Variants in USP32 observed in about 807,000 individuals in gnomAD.
The protein encoded by USP32 is ubiquitin specific peptidase 32.
In USP32, 59 loss-of-function variants were observed where a neutral mutation model predicts 204.8. The observed-to-expected ratio is 0.29, with a 90% CI of 0.23 to 0.36. USP32 has a LOEUF of 0.36. USP32 is among the 10% of genes least tolerant of loss of function. USP32 has a pLI of 1.00. For synonymous variants in USP32, 517 were observed against 678.4 expected (o/e 0.76, Z 3.70); for missense variants, 1,160 against 1,946.4 (o/e 0.60, Z 7.60).
intron 2 of USP32, among the ~76,000 whole-genome samples, chr17:60,309,900 C>T (rs1029363410): frequency 3.9e-5 from 6 of 151,964 alleles, no homozygotes; most frequent in Admixed American, 6.6e-5. Context: ...AAAAATTAGC[C>T]GGGCATGGTG....
At chr17:60,301,057 T>C (rs1255064615) in intron 3 of USP32, among the ~76,000 whole-genome samples, 2 of 152,240 alleles carry the variant, frequency 1.3e-5, no homozygotes, top group Non-Finnish European at 2.9e-5. Flanking sequence ...ATTTCCAGCA[T>C]GTGGATATAT....
chr17:60,401,285 G>C (rs1420300450), intron 1 of USP32, among the ~76,000 whole-genome samples: 1 of 152,040 alleles, frequency 6.6e-6, no homozygotes, highest in Non-Finnish European at 1.5e-5. Flanking sequence ...CAGGAGAATA[G>C]CGTGAACCAG....
intron 2 of USP32, among the ~76,000 whole-genome samples, chr17:60,317,975 A>C (rs1032580977): frequency 2.0e-5 from 3 of 152,186 alleles, no homozygotes; most frequent in Non-Finnish European, 4.4e-5. Context: ...ACAGAGCCAG[A>C]CTCCGTCTCA....
chr17:60,255,400 C>T (rs772351398), intron 9 of USP32, 142 bp from the exon 10 acceptor site: 29 of 555,908 alleles, frequency 5.2e-5, no homozygotes, highest in East Asian at 1.9e-4. Context: ...TGGGTGCAAG[C>T]GATTCTCCTG....
upstream of USP32, among the ~76,000 whole-genome samples, chr17:60,395,041 G>C (rs377651556): frequency 1.1e-4 from 17 of 152,220 alleles, no homozygotes; most frequent in African/African-American, 3.9e-4. Context: ...ACCACGCCTG[G>C]GCTACAGTAG....
intron 1 of USP32, among the ~76,000 whole-genome samples, chr17:60,349,603 A>ATATATATATATATATATAT (rs2088883591): frequency 3.1e-5 from 2 of 64,100 alleles, no homozygotes; most frequent in East Asian, 3.7e-4. Flanking sequence ...AAAAATATAT[A>ATATATATATATATATATAT]TATATATATA....
At chr17:60,238,153 G>C (rs1242722049) in intron 11 of USP32, among the ~76,000 whole-genome samples, 1 of 152,082 alleles carries the variant, frequency 6.6e-6, no homozygotes, top group African/African-American at 2.4e-5. Context: ...GACTAATTAC[G>C]TTGAGCATCT....
chr17:60,413,212 T>C lies in USP32; in HGVS notation c.106+9034A>G, dbSNP rs567699192. The stretch of plus-strand genomic sequence containing the variant: ...ATGTGCAGAGATGTGTTCTGTATCC[T>C]GCCAGTGGGGGAGGGAAAGACCTTA... On this transcript the variant is annotated intron_variant, in intron 1 of 3. Transcript: ENST00000588898. Among the ~76,000 whole-genome samples the C allele has an allele frequency of 4.6e-5, 7 of 152,340 alleles. No individual in the cohort carries two copies. In the East Asian group the frequency reaches 1.2e-3, roughly 25 times the overall value.
chr17:60,179,981 A>C (rs2084061505), intron 33 of USP32, among the ~76,000 whole-genome samples: 1 of 150,758 alleles, frequency 6.6e-6, no homozygotes, highest in African/African-American at 2.4e-5. Flanking sequence ...AACCCCATCA[A>C]ATTCTAACAG....
At chr17:60,219,561 CTTTT>C (rs751193414) in intron 16 of USP32, 105 bp downstream of exon 16, 2,907 of 684,926 alleles carry the variant, frequency 4.2e-3, no homozygotes, top group African/African-American at 7.5e-3. Context: ...TAGTTTTCAC[CTTTT>C]TTTTTTTTTT....
At chr17:60,206,279 T>C (rs1435022010) in intron 25 of USP32, among the ~76,000 whole-genome samples, 3 of 145,876 alleles carry the variant, frequency 2.1e-5, no homozygotes, top group African/African-American at 8.4e-5. Flanking sequence ...ATGATGCCAC[T>C]GCACTCCAGG....
intron 11 of USP32, among the ~76,000 whole-genome samples, chr17:60,238,317 T>C (rs1020755506): frequency 6.6e-6 from 1 of 152,188 alleles, no homozygotes; most frequent in African/African-American, 2.4e-5. Context: ...TGGATTATAT[T>C]ATCTCCCATT....
At chr17:60,288,113 CAAAAAAAAAAA>C (rs1045323566) in intron 5 of USP32, among the ~76,000 whole-genome samples, 8 of 29,460 alleles carry the variant, frequency 2.7e-4, no homozygotes, top group Non-Finnish European at 5.8e-4. Context: ...GACTTCGTCT[CAAAAAAAAAAA>C]AAAAAAAAAA....
At chr17:60,400,767 T>C (rs1445230946) in intron 1 of USP32, among the ~76,000 whole-genome samples, 6 of 152,194 alleles carry the variant, frequency 3.9e-5, no homozygotes, top group Non-Finnish European at 8.8e-5. Flanking sequence ...ATGCCTGTAA[T>C]CCCAGCTATT....
chr17:60,336,730 A>AG (rs1169536900), intron 2 of USP32, among the ~76,000 whole-genome samples: 1 of 151,378 alleles, frequency 6.6e-6, no homozygotes, highest in East Asian at 1.9e-4. Flanking sequence ...AAAAAAAAAA[A>AG]GAAAAAAAAG....
chr17:60,296,603 C>T (rs1039026404), intron 3 of USP32, among the ~76,000 whole-genome samples: 3 of 152,108 alleles, frequency 2.0e-5, no homozygotes, highest in African/African-American at 4.8e-5. Flanking sequence ...TCTAAGCTAC[C>T]CAGTTTGTGG....
chr17:60,240,057 T>C (rs2085837471), intron 11 of USP32, among the ~76,000 whole-genome samples: 1 of 152,178 alleles, frequency 6.6e-6, no homozygotes, highest in African/African-American at 2.4e-5. Context: ...TTTCCTTTAG[T>C]TTGTTGTCCA....
Position 60,349,198 on chromosome 17 carries a change from T to A in USP32, c.59-3590A>T, listed in dbSNP as rs184475247. Among the ~76,000 whole-genome samples the A allele has an allele frequency of 6.6e-5, 10 of 151,046 alleles. No homozygotes were observed. The East Asian group carries it at 1.9e-3, about 29-fold the overall frequency. On this transcript the variant is annotated intron_variant, in intron 1 of 33. Transcript: ENST00000300896. ...ATATATTAATTATATATTAATCTAA[T>A]AGACTACCTGTATAACAGTATAGGT...
Position 60,183,426 on chromosome 17 carries a change from C to A in USP32, c.3862G>T (p.Val1288Leu). The change falls in exon 31 of 34, where the codon GTA becomes TTA. Residue 1288 changes from valine (V) to leucine (L), a missense_variant. Physicochemically the swap from Val to Leu is conservative, Grantham distance 32. Transcript: ENST00000300896. ...TGTGATTTTATCCACCGACCATTTA[C>A]AAATTGAAATCGCTTAAGGTGAATA... ...LIIHLKRFQF[V>L]NGRWIKSQKI... 1.9e-6 allele frequency: 3 copies of A among 1,611,356 alleles called. No individual in the cohort carries two copies. Among genetic ancestry groups the A allele is most frequent in the Non-Finnish European group, 2.5e-6 (3 of 1,178,266 alleles).
Sources: allele counts gnomAD v4.1 joint callset (sites outside exome capture counted in the v4.1 genomes callset), GRCh38; gene constraint gnomAD v4.1.1; transcripts MANE v1.5; gene names NCBI Gene and HGNC (gene_info 2026-07-23, HGNC 2026-07-21).